Variants in TMEM170A observed in about 807,000 individuals in gnomAD.
TMEM170A encodes the protein transmembrane protein 170A.
A neutral mutation model predicts 12.8 loss-of-function variants in TMEM170A; 18 were observed. That is an observed-to-expected ratio of 1.41 (90% confidence interval 0.97 to 2.09). TMEM170A has a LOEUF of 2.09. TMEM170A is among the 30% of genes most tolerant of loss of function. The pLI is 0.00. For synonymous variants in TMEM170A, 107 were observed against 76.2 expected, an observed-to-expected ratio of 1.40 and a Z score of -2.11; for missense variants, 220 against 179.9, an observed-to-expected ratio of 1.22 and a Z score of -1.28.
At chr16:75,460,951 G>C (rs1286347640) in intron 1 of TMEM170A, among the ~76,000 whole-genome samples, 1 of 152,102 alleles carries the variant, frequency 6.6e-6, no homozygotes, top group Non-Finnish European at 1.5e-5. Context: ...TGTCATTCTT[G>C]ATACAAGATA....
rs145261578 is a variant in TMEM170A, at chr16:75,447,379, T to G, written c.*179A>C. Reference sequence around the variant, plus strand: ...TGGTTGAGAACAATAGGAGTCCACATAAGTCTTCAATTCTAGGAGCTTCAA... The same window carrying G: ...TGGTTGAGAACAATAGGAGTCCACAGAAGTCTTCAATTCTAGGAGCTTCAA... On this transcript the variant is annotated 3_prime_UTR_variant, in exon 3 of 3. Transcript: ENST00000561878. The G allele has an allele frequency of 2.3e-3, 1,305 of 563,880 alleles. 12 individuals are homozygous for G. The African/African-American group carries it at 0.024, about 10-fold the overall frequency. The allele number at this position is 563,880 out of a possible 1,614,324, so 34.9% of individuals were successfully genotyped here.
intron 2 of TMEM170A, among the ~76,000 whole-genome samples, chr16:75,449,090 A>C (rs1381894292): frequency 6.6e-6 from 1 of 151,844 alleles, no homozygotes; most frequent in Non-Finnish European, 1.5e-5. Context: ...AAATAATAAA[A>C]ATTTTAAAAA....
chr16:75,452,322 G>T (rs143345247), intron 1 of TMEM170A, among the ~76,000 whole-genome samples: 1,976 of 152,016 alleles, frequency 0.013, 36 homozygotes, highest in African/African-American at 0.046. Context: ...AGGCTGCAGT[G>T]CAATGGCACC....
intron 1 of TMEM170A, among the ~76,000 whole-genome samples, chr16:75,461,315 A>G (rs1294312745): frequency 6.6e-6 from 1 of 151,890 alleles, no homozygotes; most frequent in Non-Finnish European, 1.5e-5. Flanking sequence ...CGGCCTCCCA[A>G]AGTGCTGGGA....
intron 2 of TMEM170A, among the ~76,000 whole-genome samples, chr16:75,449,661 C>A (rs1567697583): frequency 6.6e-6 from 1 of 152,158 alleles, no homozygotes; most frequent in African/African-American, 2.4e-5. Flanking sequence ...CATATTTTAA[C>A]AAGAAGAAAG....
intron 1 of TMEM170A, among the ~76,000 whole-genome samples, chr16:75,454,397 T>A (rs1160455528): frequency 6.6e-6 from 1 of 151,970 alleles, no homozygotes; most frequent in Non-Finnish European, 1.5e-5. Flanking sequence ...GGTGGGCTAA[T>A]CACGAGGTCA....
chr16:75,451,441 T>G, intron 2 of TMEM170A: 1 of 602,948 alleles, frequency 1.7e-6, no homozygotes, highest in Non-Finnish European at 2.9e-6. Flanking sequence ...CCAAGCTTCT[T>G]GGGAGGCTGA....
rs1189002982 is a variant in TMEM170A at position 75,446,962 on chromosome 16, A to G, written c.*596T>C. On this transcript the variant is annotated 3_prime_UTR_variant, in exon 3 of 3. Coordinates refer to ENST00000561878, the MANE Select transcript of TMEM170A (RefSeq NM_145254.3). ...AGAAAATGTCACATTATTCATTGTTATCTACTTTTTATTTATAAACAGTGG... is the reference window on the plus strand; with the variant it reads ...AGAAAATGTCACATTATTCATTGTTGTCTACTTTTTATTTATAAACAGTGG... 1 of 152,204 alleles carries G rather than the reference A, an allele frequency of 6.6e-6. No individual in the cohort carries two copies. Among genetic ancestry groups the G allele is most frequent in the African/African-American group, 2.4e-5 (1 of 41,458 alleles). The allele number at this position is 152,204 out of a possible 1,614,324, so 9.4% of individuals were successfully genotyped here.
intron 1 of TMEM170A, among the ~76,000 whole-genome samples, chr16:75,455,397 AG>A (rs1254111641): frequency 6.6e-6 from 1 of 151,662 alleles, no homozygotes; most frequent in Admixed American, 6.6e-5. Flanking sequence ...TATATACTGA[AG>A]GGGCAAGATG....
chr16:75,451,880 TC>T, intron 1 of TMEM170A, 41 bp from the exon 2 acceptor site: 1 of 1,547,362 alleles, frequency 6.5e-7, no homozygotes, highest in East Asian at 2.4e-5. Context: ...TCACTGCCCT[TC>T]CCAGGACAAT....
rs1006430621 is a variant in TMEM170A at position 75,443,126 on chromosome 16, T to G, written c.*4432A>C. On this transcript the variant is annotated 3_prime_UTR_variant, in exon 3 of 3. Coordinates refer to ENST00000561878, the MANE Select transcript of TMEM170A (RefSeq NM_145254.3). Reference sequence around the variant, plus strand: ...TCATAAATTAGTAAGAAGTAGAACATAAAAAAAGTTACACATGCTAGATAT... The same window carrying G: ...TCATAAATTAGTAAGAAGTAGAACAGAAAAAAAGTTACACATGCTAGATAT... 1.3e-5 allele frequency: 2 copies of G among 151,964 alleles called. No homozygotes were observed. The highest frequency in any genetic ancestry group is 2.9e-5 in the Non-Finnish European group (2 of 67,982). 9.4% of individuals were successfully genotyped at this position (151,964 alleles called of 1,614,324 possible). A position where few individuals can be genotyped will look rare whatever the true frequency, so the allele number is the denominator to read the frequency against.
chr16:75,454,163 T>G (rs1225068549), intron 1 of TMEM170A, among the ~76,000 whole-genome samples: 1 of 134,060 alleles, frequency 7.5e-6, no homozygotes, highest in Non-Finnish European at 1.8e-5. Context: ...TTGTGGGGGC[T>G]GCACTGTGCA....
intron 2 of TMEM170A, among the ~76,000 whole-genome samples, chr16:75,448,400 A>G (rs892531156): frequency 6.6e-6 from 1 of 152,210 alleles, no homozygotes; most frequent in Non-Finnish European, 1.5e-5. Context: ...TACCCATTTG[A>G]GTTACTATAC....
rs1424008727 is a variant in TMEM170A, at chr16:75,446,328, C to T, written c.*1230G>A. 1 of 151,982 alleles carries T rather than the reference C, an allele frequency of 6.6e-6. No homozygotes were observed. The highest frequency in any genetic ancestry group is 1.5e-5 in the Non-Finnish European group (1 of 68,014). 9.4% of individuals were successfully genotyped at this position (151,982 alleles called of 1,614,324 possible). The stretch of plus-strand genomic sequence containing the variant: ...AATACTTAATTTCTGCGATTCTTTC[C>T]CTCTCAAAGAGTCACAGTTTTCAGG... On this transcript the variant is annotated 3_prime_UTR_variant, in exon 3 of 3. Transcript: ENST00000561878.
rs866161288 is a variant in TMEM170A, at chr16:75,446,689, G to A, written c.*869C>T. 5 of 152,156 alleles carry A rather than the reference G, an allele frequency of 3.3e-5. No individual in the cohort carries two copies. Among genetic ancestry groups the A allele is most frequent in the African/African-American group, 4.8e-5 (2 of 41,430 alleles). The allele number at this position is 152,156 out of a possible 1,614,324, so 9.4% of individuals were successfully genotyped here. On this transcript the variant is annotated 3_prime_UTR_variant, in exon 3 of 3. Transcript: ENST00000561878. ...TCACTAAGAAAAACTATGACAGAAT[G>A]CCTAAAGTATCTTATGTGTGCCTCA...
chr16:75,461,901 G>C (rs534699106), intron 1 of TMEM170A, among the ~76,000 whole-genome samples: 6 of 152,144 alleles, frequency 3.9e-5, no homozygotes, highest in Non-Finnish European at 5.9e-5. Context: ...CAATTCACAT[G>C]GCTACAGATT....
chr16:75,455,715 GA>G (rs2079780410), intron 1 of TMEM170A, among the ~76,000 whole-genome samples: 1 of 152,152 alleles, frequency 6.6e-6, no homozygotes, highest in African/African-American at 2.4e-5. Context: ...TGAAGCCCGA[GA>G]ATCGCTTGAA....
rs2079598812 is a variant in TMEM170A, at chr16:75,447,029, T to C, written c.*529A>G. 1 of 152,232 alleles carries C rather than the reference T, an allele frequency of 6.6e-6. No individual in the cohort carries two copies. The highest frequency in any genetic ancestry group is 1.5e-5 in the Non-Finnish European group (1 of 68,040). 9.4% of individuals were successfully genotyped at this position (152,232 alleles called of 1,614,324 possible). ...TGAGTTATACTTAAATTTTTTTTCC[T>C]GCTTTATTTCACCAAATTTGTTTTC... On this transcript the variant is annotated 3_prime_UTR_variant, in exon 3 of 3. Coordinates refer to ENST00000561878, the MANE Select transcript of TMEM170A (RefSeq NM_145254.3).
In TMEM170A at chr16:75,446,614, A is replaced by C. The variant is rs1199665037; in HGVS notation, c.*944T>G. On this transcript the variant is annotated 3_prime_UTR_variant, in exon 3 of 3. Coordinates refer to ENST00000561878, the MANE Select transcript of TMEM170A (RefSeq NM_145254.3). Reference sequence around the variant, plus strand: ...TAAAAAATCAATAACCACTAACTCTAGTTTCAGATGCACTTCTATAGTTTC... The same window carrying C: ...TAAAAAATCAATAACCACTAACTCTCGTTTCAGATGCACTTCTATAGTTTC... The C allele has an allele frequency of 6.6e-6, 1 of 152,170 alleles. No homozygotes were observed. The highest frequency in any genetic ancestry group is 1.5e-5 in the Non-Finnish European group (1 of 68,020). 9.4% of individuals were successfully genotyped at this position (152,170 alleles called of 1,614,324 possible). A position where few individuals can be genotyped will look rare whatever the true frequency, so the allele number is the denominator to read the frequency against.
Sources: allele counts gnomAD v4.1 joint callset (sites outside exome capture counted in the v4.1 genomes callset), GRCh38; gene constraint gnomAD v4.1.1; transcripts MANE v1.5; gene names NCBI Gene and HGNC (gene_info 2026-07-23, HGNC 2026-07-21).